The following GKN2 variants were observed in gnomAD, a reference collection of about 807,000 sequenced individuals.
GKN2 encodes gastrokine 2.
GKN2 carries 17 observed loss-of-function variants against 22.7 expected under a neutral mutation model. The ratio of observed to expected loss-of-function variants is 0.75; its 90% confidence interval spans 0.51 to 1.13. GKN2 has a LOEUF of 1.13. GKN2 is among the 50% of genes most tolerant of loss of function. The pLI is 0.00. For synonymous variants in GKN2, 82 were observed against 79.6 expected, an observed-to-expected ratio of 1.03 and a Z score of -0.16; for missense variants, 248 against 221.4, an observed-to-expected ratio of 1.12 and a Z score of -0.76.
At chr2:68,945,753 C>T in intron 5 of GKN2, 1 of 254,258 alleles carries the variant, frequency 3.9e-6, no homozygotes. Flanking sequence ...TTGGCCCGAC[C>T]TCTTTCACTC....
intron 4 of GKN2, 37 bp from the exon 5 acceptor site, chr2:68,946,497 A>C: frequency 6.7e-7 from 1 of 1,496,360 alleles, no homozygotes; most frequent in Non-Finnish European, 8.9e-7. Flanking sequence ...ACATAAAATA[A>C]ATTGACAAAA....
chr2:68,945,476 A>C (rs1302222948), intron 5 of GKN2, 26 bp from the exon 6 acceptor site: 4 of 1,472,008 alleles, frequency 2.7e-6, no homozygotes, highest in Admixed American at 3.5e-5. Context: ...TTTTTCAGAG[A>C]AAGAGCATTA....
intron 3 of GKN2, among the ~76,000 whole-genome samples, chr2:68,948,256 C>A (rs5022949): frequency 0.74 from 105,007 of 141,334 alleles, 40,212 homozygotes; most frequent in Non-Finnish European, 0.84. Context: ...AAAAAAAAAA[C>A]AAAAAAAAAA....
At chr2:68,952,365 G>C (rs1669868543) in intron 1 of GKN2, among the ~76,000 whole-genome samples, 1 of 152,144 alleles carries the variant, frequency 6.6e-6, no homozygotes, top group Admixed American at 6.5e-5. Context: ...GTAAAACGGG[G>C]AGAATACTAC....
chr2:68,950,086 A>G, intron 3 of GKN2, 40 bp downstream of exon 3: 1 of 1,595,732 alleles, frequency 6.3e-7, no homozygotes, highest in Non-Finnish European at 8.6e-7. Flanking sequence ...CTCTTTAGCA[A>G]ACTAGTCCTG....
intron 3 of GKN2, 65 bp from the exon 4 acceptor site, chr2:68,947,322 G>T: frequency 9.7e-7 from 1 of 1,029,632 alleles, no homozygotes; most frequent in Non-Finnish European, 1.5e-6. Context: ...TGGTGAAGAT[G>T]ATGCCTGAAC....
chr2:68,946,249 G>T, intron 5 of GKN2, 55 bp downstream of exon 5: 1 of 1,486,636 alleles, frequency 6.7e-7, no homozygotes, highest in South Asian at 1.3e-5. Context: ...AGAGCACCTG[G>T]CACATAGTAG....
At chr2:68,952,777 T>C (rs1378732520) in intron 1 of GKN2, 73 bp downstream of exon 1, 1 of 1,510,842 alleles carries the variant, frequency 6.6e-7, no homozygotes, top group Non-Finnish European at 9.2e-7. Context: ...CCAAAATCCA[T>C]GGCATATTAG....
At chr2:68,948,034 A>G (rs905196897) in intron 3 of GKN2, among the ~76,000 whole-genome samples, 3 of 152,080 alleles carry the variant, frequency 2.0e-5, no homozygotes, top group African/African-American at 7.2e-5. Flanking sequence ...TCACAAGGTC[A>G]GGAGATCGAG....
intron 5 of GKN2, 71 bp from the exon 6 acceptor site, chr2:68,945,521 A>C: frequency 8.8e-7 from 1 of 1,132,728 alleles, no homozygotes; most frequent in Non-Finnish European, 1.3e-6. Flanking sequence ...GAATAATAAT[A>C]CATTAGCTTA....
At chr2:68,946,002 C>T (rs1168529080) in intron 5 of GKN2, 3 of 391,288 alleles carry the variant, frequency 7.7e-6, no homozygotes, top group East Asian at 3.7e-5. Flanking sequence ...GAAATTCTTA[C>T]ATATGAAAGT....
chr2:68,952,505 G>C (rs1263076723), intron 1 of GKN2, among the ~76,000 whole-genome samples: 3 of 152,122 alleles, frequency 2.0e-5, no homozygotes, highest in South Asian at 2.1e-4. Context: ...TTAAACTACA[G>C]CTTCTCTCTT....
At position 68,946,502 on chromosome 2, in the gene GKN2, A is replaced by G. The variant is rs1006824483; in HGVS notation, c.316-42T>C. 4.0e-6 allele frequency: 6 copies of G among 1,499,282 alleles called. No homozygotes were observed. In the African/African-American group the frequency reaches 8.4e-5, roughly 21 times the overall value. The allele number at this position is 1,499,282 out of a possible 1,614,324, so 92.9% of individuals were successfully genotyped here. On this transcript the variant is annotated intron_variant, in intron 4 of 5. Transcript: ENST00000328895. ...GAAAAGAACAACATAAAATAAATTG[A>G]CAAAAATTGGTGTACCTTATTCTAA...
chr2:68,946,162 A>G lies in GKN2; in HGVS notation c.472+142T>C, dbSNP rs60759490. On this transcript the variant is annotated intron_variant, in intron 5 of 5. Coordinates refer to ENST00000328895, the MANE Select transcript of GKN2 (RefSeq NM_182536.3). ...CTAAAATTTAGCACAATTTACACAC[A>G]TGGCATGTAATTAATTCCCAAAGCA... The G allele has an allele frequency of 0.011, 6,612 of 627,906 alleles. 299 individuals carry two copies. In the African/African-American group the frequency reaches 0.11, roughly 10 times the overall value. The allele number at this position is 627,906 out of a possible 1,614,324, so 38.9% of individuals were successfully genotyped here.
At chr2:68,946,097 C>T in intron 5 of GKN2, 5 of 465,962 alleles carry the variant, frequency 1.1e-5, no homozygotes, top group South Asian at 1.1e-4. Flanking sequence ...CTTCACTAGA[C>T]TATGTGTTCC....
intron 3 of GKN2, among the ~76,000 whole-genome samples, chr2:68,949,419 T>A (rs958325368): frequency 2.6e-5 from 4 of 151,886 alleles, no homozygotes; most frequent in South Asian, 2.1e-4. Flanking sequence ...TTTTTAATTA[T>A]TTATTTATTT....
chr2:68,948,686 G>A lies in GKN2; in HGVS notation c.205-1429C>T, dbSNP rs377696639. Among the ~76,000 whole-genome samples, 20 of 152,330 alleles carry A rather than the reference G, an allele frequency of 1.3e-4. 1 individual carries two copies. Among genetic ancestry groups the A allele is most frequent in the East Asian group, 7.7e-4 (4 of 5,176 alleles). On this transcript the variant is annotated intron_variant, in intron 3 of 5. Coordinates refer to ENST00000328895, the MANE Select transcript of GKN2 (RefSeq NM_182536.3). ...GGGCCAGATGGGACCTAAGGCCACT[G>A]AGTCTTCACCTGGAGTGAAAATTGT...
intron 5 of GKN2, chr2:68,946,102 T>C: frequency 2.1e-6 from 1 of 468,690 alleles, no homozygotes; most frequent in Non-Finnish European, 3.7e-6. Flanking sequence ...CTAGACTATG[T>C]GTTCCCTGGA....
chr2:68,946,338 G>A lies in GKN2; in HGVS notation c.438C>T (p.Ile146=). ...GSPIEKLCKH[I]PLYKGEVVEN... is the part of the protein sequence containing the mutation. ...CAACCACTTCCCCCTTATACAAAGG[G>A]ATATGTTTGCAGAGTTTCTCAATGG... Residue 146 remains isoleucine (I), a synonymous_variant, in exon 5 of 6, where the codon ATC becomes ATT. Transcript: ENST00000328895. 1 of 1,613,522 alleles carries A rather than the reference G, an allele frequency of 6.2e-7. No homozygotes were observed. Among genetic ancestry groups the A allele is most frequent in the Non-Finnish European group, 8.5e-7 (1 of 1,179,866 alleles).
Sources: gnomAD v4.1 joint callset for allele counts (sites outside exome capture counted in the v4.1 genomes callset) on GRCh38, gnomAD v4.1.1 for gene constraint, MANE v1.5 for transcripts, NCBI Gene and HGNC (gene_info 2026-07-23, HGNC 2026-07-21) for gene names.